ERBB4: variants seen among roughly 807,000 people sequenced by gnomAD.
The protein encoded by ERBB4 is receptor tyrosine-protein kinase erbB-4.
A neutral mutation model predicts 158.0 loss-of-function variants in ERBB4; 42 were observed. The ratio of observed to expected loss-of-function variants is 0.27; its 90% CI spans 0.21 to 0.34. The LOEUF (loss-of-function observed/expected upper bound fraction) is 0.34, where lower values mean the gene tolerates loss of function less well. ERBB4 is among the 10% of genes least tolerant of loss of function. The pLI, the probability that ERBB4 is intolerant of heterozygous loss-of-function variation, is 1.00. For missense variants in ERBB4, 1,333 were observed against 1,624.1 expected (o/e 0.82, Z 3.08); for synonymous variants, 583 against 558.7 (o/e 1.04, Z -0.61).
At chr2:212,309,841 T>C (rs2086960633) in intron 1 of ERBB4, among the ~76,000 whole-genome samples, 1 of 150,524 alleles carries the variant, frequency 6.6e-6, no homozygotes, top group Non-Finnish European at 1.5e-5. Flanking sequence ...TAATGACAAG[T>C]GACAAATTTT....
intron 2 of ERBB4, among the ~76,000 whole-genome samples, chr2:212,038,319 T>G (rs1237222565): frequency 6.6e-6 from 1 of 152,060 alleles, no homozygotes; most frequent in African/African-American, 2.4e-5. Flanking sequence ...CCTTCATGAT[T>G]AATTGGATTC....
At chr2:212,290,012 ATTTAAG>A (rs763228086) in intron 1 of ERBB4, among the ~76,000 whole-genome samples, 22 of 152,266 alleles carry the variant, frequency 1.4e-4, no homozygotes, top group South Asian at 2.1e-4. Context: ...AAAATGTCAT[ATTTAAG>A]TTTAAGAGCC....
chr2:212,167,446 A>G (rs1451360433), intron 1 of ERBB4, among the ~76,000 whole-genome samples: 1 of 152,022 alleles, frequency 6.6e-6, no homozygotes, highest in African/African-American at 2.4e-5. Flanking sequence ...ACAATACATG[A>G]TGGTGAGGTT....
chr2:211,891,903 T>C (rs1454214735), intron 3 of ERBB4, among the ~76,000 whole-genome samples: 2 of 136,034 alleles, frequency 1.5e-5, no homozygotes, highest in Non-Finnish European at 3.1e-5. Context: ...GCTGAAATTG[T>C]GGCAATAATC....
intron 20 of ERBB4, among the ~76,000 whole-genome samples, chr2:211,451,218 C>CA (rs2125477683): frequency 6.6e-6 from 1 of 152,156 alleles, no homozygotes; most frequent in East Asian, 1.9e-4. Flanking sequence ...ATGTCAAATG[C>CA]AAAATGCTAG....
intron 3 of ERBB4, among the ~76,000 whole-genome samples, chr2:211,880,376 C>A (rs1575305569): frequency 1.3e-5 from 2 of 152,118 alleles, no homozygotes; most frequent in South Asian, 4.1e-4. Context: ...CTGGGAACCT[C>A]CAAATATTTC....
intron 3 of ERBB4, among the ~76,000 whole-genome samples, chr2:211,938,975 G>C (rs1022425251): frequency 6.6e-6 from 1 of 152,174 alleles, no homozygotes; most frequent in African/African-American, 2.4e-5. Flanking sequence ...ATAGCTGAAT[G>C]ACAGTGGCTA....
At position 212,506,204 on chromosome 2, in the gene ERBB4, T is replaced by C. The variant is rs540304448; in HGVS notation, c.82+32245A>G. On this transcript the variant is annotated intron_variant, in intron 1 of 27. Transcript: ENST00000342788. ...ATCATACCCAAACTTAATTAATAAA[T>C]AGGTGTGTGTTCTGACTGCTTCACT... is the stretch of plus-strand genomic sequence containing the variant. Among the ~76,000 whole-genome samples, 2 of 148,976 alleles carry C rather than the reference T, an allele frequency of 1.3e-5. 1 individual carries two copies. Among genetic ancestry groups the C allele is most frequent in the South Asian group, 4.3e-4 (2 of 4,656 alleles).
chr2:212,159,915 T>G (rs1245581392), intron 1 of ERBB4, among the ~76,000 whole-genome samples: 1 of 151,864 alleles, frequency 6.6e-6, no homozygotes, highest in Non-Finnish European at 1.5e-5. Context: ...AAACTGAAAA[T>G]GTACACAATA....
At chr2:211,740,622 CTT>C (rs1169540948) in intron 5 of ERBB4, among the ~76,000 whole-genome samples, 187 of 90,136 alleles carry the variant, frequency 2.1e-3, no homozygotes, top group Middle Eastern at 0.018. Context: ...TTTTCTTTGT[CTT>C]TTTTTTTTTT....
Position 211,664,920 on chromosome 2 carries a change from C to G in ERBB4, c.1871+403G>C, listed in dbSNP as rs112177355. On this transcript the variant is annotated intron_variant, in intron 15 of 27. Coordinates refer to ENST00000342788, the MANE Select transcript of ERBB4 (RefSeq NM_005235.3). The stretch of plus-strand genomic sequence containing the variant: ...CAAAGAGAAATATCCTCACCTTAAG[C>G]TTATTGTGACAACAAAGAAACAGAA... Among the ~76,000 whole-genome samples the G allele has an allele frequency of 3.0e-4, 45 of 152,218 alleles. 1 individual carries two copies. Among genetic ancestry groups the G allele is most frequent in the African/African-American group, 1.1e-3 (44 of 41,542 alleles).
At chr2:211,704,595 G>A (rs934899893) in intron 10 of ERBB4, among the ~76,000 whole-genome samples, 4 of 152,164 alleles carry the variant, frequency 2.6e-5, no homozygotes, top group South Asian at 2.1e-4. Context: ...ATTATTTTAC[G>A]GTAAGTCCAT....
At chr2:211,716,791 A>C (rs2073932313) in intron 7 of ERBB4, among the ~76,000 whole-genome samples, 1 of 152,238 alleles carries the variant, frequency 6.6e-6, no homozygotes, top group Non-Finnish European at 1.5e-5. Flanking sequence ...CAAGCCATGT[A>C]AGCCAGGCCC....
intron 1 of ERBB4, among the ~76,000 whole-genome samples, chr2:212,288,483 C>T (rs755358754): frequency 6.6e-6 from 1 of 152,112 alleles, no homozygotes; most frequent in South Asian, 2.1e-4. Context: ...GGGAGGAATG[C>T]GCACTGGGGT....
intron 1 of ERBB4, among the ~76,000 whole-genome samples, chr2:212,291,762 C>G (rs1308791502): frequency 5.3e-5 from 8 of 151,896 alleles, no homozygotes; most frequent in Admixed American, 5.3e-4. Flanking sequence ...GAATACTTAG[C>G]CAGAGAAATC....
At chr2:211,783,506 G>A (rs2076084103) in intron 4 of ERBB4, among the ~76,000 whole-genome samples, 1 of 152,114 alleles carries the variant, frequency 6.6e-6, no homozygotes, top group Non-Finnish European at 1.5e-5. Flanking sequence ...CTGTGGGTTT[G>A]TCATAAATAG....
chr2:211,392,098 A>G (rs569102988), intron 25 of ERBB4, among the ~76,000 whole-genome samples: 2 of 152,352 alleles, frequency 1.3e-5, no homozygotes, highest in South Asian at 4.1e-4. Context: ...TCCACATAGT[A>G]ACTATTAAAG....
chr2:211,625,675 T>A (rs937566611), intron 17 of ERBB4, among the ~76,000 whole-genome samples: 1 of 152,192 alleles, frequency 6.6e-6, no homozygotes, highest in Non-Finnish European at 1.5e-5. Flanking sequence ...TTCCCTTCAT[T>A]TGAAGGCAAC....
chr2:211,889,277 C>G (rs1405872900), intron 3 of ERBB4, among the ~76,000 whole-genome samples: 1 of 144,078 alleles, frequency 6.9e-6, no homozygotes. Context: ...AGGCACCCCC[C>G]AGCCGGGGCA....
Sources: gnomAD v4.1 joint callset for allele counts (sites outside exome capture counted in the v4.1 genomes callset) on GRCh38, gnomAD v4.1.1 for gene constraint, MANE v1.5 for transcripts, NCBI Gene and HGNC (gene_info 2026-07-23, HGNC 2026-07-21) for gene names.